RUNX1: variants seen among roughly 807,000 people sequenced by gnomAD.
RUNX1 encodes RUNX family transcription factor 1, also known as runt-related transcription factor 1.
Under a neutral mutation model 42.8 loss-of-function variants are expected in RUNX1, and 19 were observed. The observed-to-expected ratio is 0.44, with a 90% CI of 0.31 to 0.65. The LOEUF (loss-of-function observed/expected upper bound fraction) is 0.65. Ranked by LOEUF, RUNX1 falls within the 30% of genes least tolerant of loss-of-function variation. The pLI is 0.07. For missense variants in RUNX1, 528 were observed against 672.0 expected (o/e 0.79, Z 2.37); for synonymous variants, 271 against 289.4 (o/e 0.94, Z 0.64).
At chr21:34,960,043 G>A (rs190988774) in intron 2 of RUNX1, among the ~76,000 whole-genome samples, 1 of 152,270 alleles carries the variant, frequency 6.6e-6, no homozygotes, top group Non-Finnish European at 1.5e-5. Flanking sequence ...GGGTCAGCGA[G>A]CAGAGACACA....
rs554592338 is a variant in RUNX1, at chr21:34,850,027, A to C, written c.613+9447T>G. 1.8e-4 allele frequency among the ~76,000 whole-genome samples: 27 copies of C among 152,024 alleles called. 1 individual carries two copies. The East Asian group carries it at 4.3e-3, about 24-fold the overall frequency. ...TCCTAGTTACATGGCTTACAGGAAA[A>C]AACAACAACAACAAAAAAAACTGAA... On this transcript the variant is annotated intron_variant, in intron 6 of 8. Coordinates refer to ENST00000675419, the MANE Select transcript of RUNX1 (RefSeq NM_001754.5).
At position 34,792,210 on chromosome 21, in the gene RUNX1, C is replaced by A. The variant is rs1215912737; in HGVS notation, c.1368G>T (p.Glu456Asp). ...TGGTGGGGGAGTTGCTGTGGCTGCC[C>A]TCGGCCTCCACCACGTCGCTCTGGT... ...LPNQSDVVEA[E>D]GSHSNSPTNM... is the part of the protein sequence containing the mutation. Residue 456 changes from glutamate to aspartate, a missense_variant, in exon 9 of 9, where the codon GAG (glutamate) becomes GAT (aspartate). Around this residue, in one of 3 missense-constraint regions of RUNX1, gnomAD observed 331 missense variants for 382.5 expected, o/e 0.87. Coordinates refer to ENST00000675419, the MANE Select transcript of RUNX1 (RefSeq NM_001754.5). The surrounding 1 kb of genome is among the most constrained non-coding windows in gnomAD (Gnocchi z 6.9). 6.5e-7 allele frequency: 1 copy of A among 1,538,822 alleles called. No homozygotes were observed. The highest frequency in any genetic ancestry group is 2.4e-5 in the East Asian group (1 of 41,472).
intron 6 of RUNX1, among the ~76,000 whole-genome samples, chr21:34,858,888 A>G (rs1343173944): frequency 6.6e-6 from 1 of 152,090 alleles, no homozygotes; most frequent in Non-Finnish European, 1.5e-5. Flanking sequence ...CCCTCACAGG[A>G]GTTATTTTTT....
intron 2 of RUNX1, among the ~76,000 whole-genome samples, chr21:35,015,860 T>C (rs1477666413): frequency 2.0e-5 from 3 of 152,232 alleles, no homozygotes; most frequent in African/African-American, 4.8e-5. Context: ...AGCTAGTTAA[T>C]GACAGGGCAG....
Position 34,812,729 on chromosome 21 carries a change from AGAAAGAT to A in RUNX1, c.806-13274_806-13268del, listed in dbSNP as rs2056773911. Among the ~76,000 whole-genome samples the A allele has an allele frequency of 2.0e-5, 3 of 152,336 alleles. No individual in the cohort carries two copies. In the South Asian group the frequency reaches 6.2e-4, roughly 32 times the overall value. ...TACTTCAATAGATGAGGTCACCCTGAGAAAGATGATACTCAGCCCAGCAGTGGGAAAC... is the reference window on the plus strand; with the variant it reads ...TACTTCAATAGATGAGGTCACCCTGAGATACTCAGCCCAGCAGTGGGAAAC... On this transcript the variant is annotated intron_variant, in intron 7 of 8. Transcript: ENST00000675419.
At chr21:34,796,238 C>T (rs1169896573) in intron 8 of RUNX1, among the ~76,000 whole-genome samples, 1 of 152,256 alleles carries the variant, frequency 6.6e-6, no homozygotes, top group Non-Finnish European at 1.5e-5. Flanking sequence ...TCTATGTACA[C>T]ATGAGCAACG....
chr21:34,806,897 G>T (rs2056687789), intron 7 of RUNX1, among the ~76,000 whole-genome samples: 1 of 151,980 alleles, frequency 6.6e-6, no homozygotes, highest in South Asian at 2.1e-4. Context: ...AGTCTCAAGA[G>T]AAATTAAAAA....
At chr21:34,874,490 T>C (rs186571737) in intron 5 of RUNX1, among the ~76,000 whole-genome samples, 1,919 of 150,296 alleles carry the variant, frequency 0.013, 26 homozygotes, top group Middle Eastern at 0.1. Flanking sequence ...ATGCCTGTAA[T>C]CCCCAGCTAC....
chr21:34,841,073 T>C (rs2057227685), intron 6 of RUNX1, among the ~76,000 whole-genome samples: 1 of 152,232 alleles, frequency 6.6e-6, no homozygotes, highest in South Asian at 2.1e-4. Context: ...CAGGCTCTCA[T>C]TTCCCAGCTT....
At chr21:34,831,820 A>G (rs1391394410) in intron 7 of RUNX1, among the ~76,000 whole-genome samples, 2 of 152,166 alleles carry the variant, frequency 1.3e-5, no homozygotes, top group African/African-American at 4.8e-5. Flanking sequence ...TGCATATTAT[A>G]CCTGTTAACT....
chr21:34,825,859 G>A (rs528097283), intron 7 of RUNX1, among the ~76,000 whole-genome samples: 17 of 152,312 alleles, frequency 1.1e-4, no homozygotes, highest in Admixed American at 5.2e-4. Flanking sequence ...CACAAAGGAG[G>A]CCATATAAAG....
chr21:34,858,434 A>AAGATCATTTGGCTTGATTAT (rs2057524873), intron 6 of RUNX1, among the ~76,000 whole-genome samples: 1 of 152,178 alleles, frequency 6.6e-6, no homozygotes, highest in Non-Finnish European at 1.5e-5. Flanking sequence ...TTGATCTTAT[A>AAGATCATTTGGCTTGATTAT]AAGAAGCTCT....
intron 2 of RUNX1, among the ~76,000 whole-genome samples, chr21:34,956,743 G>A (rs1466242177): frequency 6.6e-6 from 1 of 152,124 alleles, no homozygotes; most frequent in Non-Finnish European, 1.5e-5. Context: ...TAGAACATTT[G>A]AGCCCATTTG....
chr21:34,896,276 G>A (rs1292423111), intron 2 of RUNX1, among the ~76,000 whole-genome samples: 3 of 152,142 alleles, frequency 2.0e-5, no homozygotes, highest in Non-Finnish European at 4.4e-5. Context: ...TTTCCAGTGA[G>A]AAGAGACCAT....
chr21:34,891,849 T>G (rs777953834), intron 3 of RUNX1, among the ~76,000 whole-genome samples: 4 of 152,146 alleles, frequency 2.6e-5, no homozygotes, highest in African/African-American at 7.2e-5. Flanking sequence ...CTGCAGTGGA[T>G]TTAAAAAGTA....
chr21:34,873,128 A>T (rs755371387), intron 5 of RUNX1, among the ~76,000 whole-genome samples: 51 of 152,218 alleles, frequency 3.4e-4, no homozygotes, highest in Non-Finnish European at 6.3e-4. Flanking sequence ...TCCTCTATAC[A>T]ATAGTTTCAA....
intron 6 of RUNX1, among the ~76,000 whole-genome samples, chr21:34,842,960 A>G (rs567019521): frequency 7.2e-4 from 109 of 152,178 alleles, no homozygotes; most frequent in African/African-American, 2.5e-3. Context: ...CCCAGTTACA[A>G]GTAAGTGGCT....
intron 2 of RUNX1, among the ~76,000 whole-genome samples, chr21:34,985,467 G>A (rs1186233662): frequency 6.6e-6 from 1 of 152,232 alleles, no homozygotes. Flanking sequence ...AGAAGCTGTG[G>A]ATGGAAGAAC....
chr21:34,898,934 G>A (rs1205132894), intron 2 of RUNX1, among the ~76,000 whole-genome samples: 1 of 152,058 alleles, frequency 6.6e-6, no homozygotes, highest in Admixed American at 6.5e-5. Flanking sequence ...TTATTTTTTA[G>A]ACAGAGTCTC....
Sources: gnomAD v4.1 joint callset for allele counts (sites outside exome capture counted in the v4.1 genomes callset) on GRCh38, gnomAD v4.1.1 for gene constraint, gnomAD v4.1.1 regional missense constraint, Gnocchi (gnomAD v3.1) non-coding constraint, MANE v1.5 for transcripts, NCBI Gene and HGNC (gene_info 2026-07-23, HGNC 2026-07-21) for gene names.